ZPBP: variants seen among roughly 807,000 people sequenced by gnomAD.
ZPBP encodes the protein zona pellucida binding protein.
ZPBP carries 26 observed loss-of-function variants against 44.8 expected under a neutral mutation model. That is an observed-to-expected ratio of 0.58 (90% CI 0.43 to 0.81). The LOEUF (loss-of-function observed/expected upper bound fraction) is 0.81, where lower values mean the gene tolerates loss of function less well. Ranked by LOEUF, ZPBP falls within the 30% of genes least tolerant of loss-of-function variation. The probability of loss-of-function intolerance (pLI) is 0.00; values close to 1 mark genes in which losing one functional copy is unlikely to be tolerated. For missense variants in ZPBP, 409 were observed against 434.0 expected, an observed-to-expected ratio of 0.94 and a Z score of 0.51; for synonymous variants, 174 against 153.2, an observed-to-expected ratio of 1.14 and a Z score of -1.00.
intron 7 of ZPBP, among the ~76,000 whole-genome samples, chr7:49,944,971 G>A (rs1795040769): frequency 6.6e-6 from 1 of 151,994 alleles, no homozygotes; most frequent in Admixed American, 6.6e-5. Context: ...TGCTTTTGTT[G>A]ATGTAGGTGC....
In ZPBP at chr7:50,031,218, G is replaced by C; in HGVS notation, c.580C>G (p.Leu194Val). The part of the protein sequence containing the change: ...SIYNISFEKK[L>V]LQILSKLLLD... ...AGCAGTTTGCTTAAAATCTGAAGAAGTTTCTTCTCAAAAGAAATATTATAA... is the reference window on the plus strand; with the variant it reads ...AGCAGTTTGCTTAAAATCTGAAGAACTTTCTTCTCAAAAGAAATATTATAA... The change falls in exon 5 of 8, where the codon CTT (leucine) becomes GTT (valine). Residue 194 changes from leucine (L) to valine (V), a missense_variant. By Grantham distance (32) the Leu-to-Val change is conservative. Around this residue, in one of 2 missense-constraint regions of ZPBP, gnomAD observed 367 missense variants for 363.1 expected, o/e 1.01. Transcript: ENST00000046087. 1 of 1,613,346 alleles carries C rather than the reference G, an allele frequency of 6.2e-7. No individual in the cohort carries two copies. Among genetic ancestry groups the C allele is most frequent in the South Asian group, 1.1e-5 (1 of 91,040 alleles).
chr7:49,852,752 C>A (rs774779583), intron 2 of ZPBP, among the ~76,000 whole-genome samples: 8 of 152,130 alleles, frequency 5.3e-5, no homozygotes, highest in African/African-American at 7.2e-5. Context: ...TCTTAATCAA[C>A]TTCTTCCAAA....
chr7:50,055,525 T>C, intron 4 of ZPBP, among the ~76,000 whole-genome samples: 1 of 152,112 alleles, frequency 6.6e-6, no homozygotes, highest in East Asian at 1.9e-4. Flanking sequence ...GAAATCTGAG[T>C]TCTTCCCTCC....
intron 6 of ZPBP, among the ~76,000 whole-genome samples, chr7:50,012,098 T>C (rs867252355): frequency 1.3e-5 from 2 of 149,576 alleles, no homozygotes; most frequent in African/African-American, 4.9e-5. Flanking sequence ...CACATACCAC[T>C]CAACATATCA....
chr7:50,029,025 C>T (rs1799470564), intron 5 of ZPBP, among the ~76,000 whole-genome samples: 1 of 151,972 alleles, frequency 6.6e-6, no homozygotes, highest in African/African-American at 2.4e-5. Context: ...CTCAAATTAC[C>T]AAAACAATGT....
intron 3 of ZPBP, among the ~76,000 whole-genome samples, chr7:50,060,536 C>T (rs1020440161): frequency 1.3e-5 from 2 of 152,142 alleles, no homozygotes; most frequent in African/African-American, 2.4e-5. Context: ...ACAAATATGT[C>T]CATGCCCATT....
At chr7:50,007,607 T>C (rs1050687315) in intron 6 of ZPBP, among the ~76,000 whole-genome samples, 1 of 151,848 alleles carries the variant, frequency 6.6e-6, no homozygotes, top group African/African-American at 2.4e-5. Flanking sequence ...TGAATATCCC[T>C]GAGGAATACT....
intron 4 of ZPBP, among the ~76,000 whole-genome samples, chr7:50,042,705 T>G (rs186775218): frequency 1.3e-5 from 2 of 152,174 alleles, no homozygotes. Context: ...TACCAGCCAC[T>G]GCAAAAACAT....
intron 3 of ZPBP, among the ~76,000 whole-genome samples, chr7:50,070,960 G>T (rs1335317575): frequency 1.3e-5 from 2 of 152,212 alleles, no homozygotes; most frequent in Non-Finnish European, 2.9e-5. Context: ...CAGAAAAACA[G>T]GCAGTTAATT....
intron 7 of ZPBP, among the ~76,000 whole-genome samples, chr7:49,968,899 A>G (rs1229266379): frequency 2.0e-5 from 3 of 152,094 alleles, no homozygotes; most frequent in Non-Finnish European, 4.4e-5. Flanking sequence ...ATAAAACTAT[A>G]AGAATGTATC....
intron 7 of ZPBP, among the ~76,000 whole-genome samples, chr7:49,982,331 A>G (rs1389687726): frequency 8.5e-6 from 1 of 117,790 alleles, no homozygotes; most frequent in Non-Finnish European, 1.7e-5. Flanking sequence ...TAATTATATA[A>G]TATATAATAC....
chr7:50,053,028 T>C (rs935748690), intron 4 of ZPBP, among the ~76,000 whole-genome samples: 1 of 152,138 alleles, frequency 6.6e-6, no homozygotes, highest in Non-Finnish European at 1.5e-5. Flanking sequence ...TGGTTGTAGA[T>C]ACCTGAGCCT....
intron 4 of ZPBP, among the ~76,000 whole-genome samples, chr7:50,042,650 C>T (rs909761108): frequency 6.6e-6 from 1 of 152,132 alleles, no homozygotes; most frequent in Non-Finnish European, 1.5e-5. Flanking sequence ...GCCTGCCTTA[C>T]AAGAGCTCCT....
chr7:50,047,469 A>T (rs1800432451), intron 4 of ZPBP, among the ~76,000 whole-genome samples: 1 of 152,050 alleles, frequency 6.6e-6, no homozygotes, highest in South Asian at 2.1e-4. Flanking sequence ...GTACATATAC[A>T]ATGTGGGGAA....
At chr7:49,842,350 T>C in the ZPBP span, among the ~76,000 whole-genome samples, 1 of 152,250 alleles carries the variant, frequency 6.6e-6, no homozygotes, top group African/African-American at 2.4e-5. Context: ...TTTAACTTAC[T>C]TAAAAGTTAC....
intron 3 of ZPBP, among the ~76,000 whole-genome samples, chr7:50,067,750 T>A (rs1222347911): frequency 6.6e-6 from 1 of 152,206 alleles, no homozygotes; most frequent in East Asian, 1.9e-4. Flanking sequence ...GTCAGTTTAT[T>A]AGCTTCCTGC....
intron 4 of ZPBP, among the ~76,000 whole-genome samples, chr7:50,051,875 G>A (rs1044595262): frequency 8.5e-5 from 13 of 152,156 alleles, no homozygotes; most frequent in African/African-American, 3.1e-4. Flanking sequence ...TCCAAGTGAT[G>A]GGCTGATAGG....
At position 49,981,660 on chromosome 7, in the gene ZPBP, A is replaced by T. The variant is rs1562820462; in HGVS notation, c.961+1682T>A. Reference sequence around the variant, plus strand: ...TATATTATATAATATCTTGATATAAAATATATATTATATATTATATATAAT... The same window carrying T: ...TATATTATATAATATCTTGATATAATATATATATTATATATTATATATAAT... On this transcript the variant is annotated intron_variant, in intron 7 of 7. Coordinates refer to ENST00000046087, the MANE Select transcript of ZPBP (RefSeq NM_007009.3). 7.2e-4 allele frequency among the ~76,000 whole-genome samples: 50 copies of T among 69,894 alleles called. 10 individuals carry two copies. Among genetic ancestry groups the T allele is most frequent in the Admixed American group, 5.8e-3 (24 of 4,112 alleles). 45.9% of individuals were successfully genotyped at this position (69,894 alleles called of 152,430 possible). A position where few individuals can be genotyped will look rare whatever the true frequency, so the allele number is the denominator to read the frequency against.
intron 6 of ZPBP, among the ~76,000 whole-genome samples, chr7:50,011,252 A>G (rs1055262102): frequency 6.6e-6 from 1 of 152,230 alleles, no homozygotes; most frequent in African/African-American, 2.4e-5. Flanking sequence ...ACCTGAAACG[A>G]TAAAAATTCT....
Sources: gnomAD v4.1 joint callset for allele counts (sites outside exome capture counted in the v4.1 genomes callset) on GRCh38, gnomAD v4.1.1 for gene constraint, gnomAD v4.1.1 regional missense constraint, MANE v1.5 for transcripts, NCBI Gene and HGNC (gene_info 2026-07-23, HGNC 2026-07-21) for gene names.